The following SND1 variants were observed in gnomAD, a reference collection of about 807,000 sequenced individuals.
The protein encoded by SND1 is staphylococcal nuclease domain-containing protein 1.
SND1 carries 38 observed loss-of-function variants against 121.7 expected under a neutral mutation model. That is an observed-to-expected ratio of 0.31 (90% confidence interval 0.24 to 0.41). SND1 has a LOEUF of 0.41. Among genes scored for constraint, SND1 ranks in the 10% least tolerant of loss-of-function variants. SND1 has a pLI of 1.00. For missense variants in SND1, 868 were observed against 1,184.6 expected, an observed-to-expected ratio of 0.73 and a Z score of 3.92; for synonymous variants, 401 against 447.4, an observed-to-expected ratio of 0.90 and a Z score of 1.31.
At chr7:128,076,826 G>A (rs776883400) in intron 17 of SND1, among the ~76,000 whole-genome samples, 3 of 152,220 alleles carry the variant, frequency 2.0e-5, no homozygotes, top group Non-Finnish European at 4.4e-5. Flanking sequence ...GAGTGTGTCT[G>A]TCTGGGGGAA....
intron 16 of SND1, among the ~76,000 whole-genome samples, chr7:128,033,646 G>T (rs377442593): frequency 7.9e-5 from 12 of 152,190 alleles, no homozygotes; most frequent in African/African-American, 2.4e-4. Context: ...CCCATTCTTT[G>T]CCAAGACCTT....
chr7:127,688,299 C>T (rs1199231505), intron 2 of SND1, among the ~76,000 whole-genome samples: 1 of 152,096 alleles, frequency 6.6e-6, no homozygotes, highest in Admixed American at 6.6e-5. Flanking sequence ...CCTTAAGTTT[C>T]TGCTCTTTGG....
rs1017144279 is a variant in SND1 at position 127,818,583 on chromosome 7, T to C, written c.1242+11010T>C. Among the ~76,000 whole-genome samples, 27 of 152,264 alleles carry C rather than the reference T, an allele frequency of 1.8e-4. 1 individual carries two copies. Among genetic ancestry groups the C allele is most frequent in the African/African-American group, 6.0e-4 (25 of 41,538 alleles). On this transcript the variant is annotated intron_variant, in intron 11 of 23. Coordinates refer to ENST00000354725, the MANE Select transcript of SND1 (RefSeq NM_014390.4). ...TCCTATTCCCCAGTAATAGTGCAAA[T>C]GAGTTGGAAGTCAGTACGTCAGTGC... is the stretch of plus-strand genomic sequence containing the variant.
chr7:127,721,215 G>A (rs918793), intron 9 of SND1, 72 bp from the exon 10 acceptor site: 323,368 of 911,788 alleles, frequency 0.35, 62,160 homozygotes, highest in Admixed American at 0.44. Flanking sequence ...CTGTGAGGGT[G>A]GTGGGCCTTG....
intron 1 of SND1, among the ~76,000 whole-genome samples, chr7:127,668,833 C>T (rs1346223875): frequency 6.6e-6 from 1 of 152,212 alleles, no homozygotes; most frequent in African/African-American, 2.4e-5. Context: ...TTTCTCCCCT[C>T]ATTTGGATTC....
intron 16 of SND1, among the ~76,000 whole-genome samples, chr7:128,032,940 C>G (rs1452970294): frequency 2.6e-5 from 4 of 152,200 alleles, no homozygotes; most frequent in Non-Finnish European, 5.9e-5. Flanking sequence ...GCACAGAGGC[C>G]GGCAGGAAGG....
intron 15 of SND1, among the ~76,000 whole-genome samples, chr7:127,980,773 C>T (rs1802239961): frequency 6.6e-6 from 1 of 152,150 alleles, no homozygotes. Context: ...CATTTGGCTG[C>T]CAGGTGTGTG....
At chr7:128,058,937 G>C (rs1437640490) in intron 16 of SND1, among the ~76,000 whole-genome samples, 2 of 152,008 alleles carry the variant, frequency 1.3e-5, no homozygotes, top group African/African-American at 4.8e-5. Context: ...CTTCAAGTCA[G>C]CTCTCTCCAG....
intron 16 of SND1, among the ~76,000 whole-genome samples, chr7:128,010,189 T>G (rs1442088276): frequency 6.6e-6 from 1 of 152,234 alleles, no homozygotes; most frequent in Non-Finnish European, 1.5e-5. Context: ...CCCATAGCTC[T>G]TTCAACACTT....
chr7:127,740,393 A>G (rs1169520833), intron 10 of SND1, among the ~76,000 whole-genome samples: 1 of 152,194 alleles, frequency 6.6e-6, no homozygotes, highest in Non-Finnish European at 1.5e-5. Flanking sequence ...ATAAAAGACT[A>G]ATGAGAAACA....
chr7:127,754,067 G>A (rs907863287), intron 10 of SND1, among the ~76,000 whole-genome samples: 11 of 152,290 alleles, frequency 7.2e-5, no homozygotes, highest in African/African-American at 1.9e-4. Flanking sequence ...CATCCTGATA[G>A]CAAAATAGGA....
chr7:127,866,405 A>G (rs1799477184), intron 12 of SND1, among the ~76,000 whole-genome samples: 1 of 152,236 alleles, frequency 6.6e-6, no homozygotes, highest in African/African-American at 2.4e-5. Context: ...CATCAATAAT[A>G]GCTTTGATTC....
intron 10 of SND1, among the ~76,000 whole-genome samples, chr7:127,728,795 G>A (rs965151977): frequency 1.3e-5 from 2 of 152,122 alleles, no homozygotes; most frequent in Admixed American, 6.6e-5. Context: ...TTGTGAGTGG[G>A]CATCATTTTT....
At chr7:127,774,974 G>T (rs1451624977) in intron 10 of SND1, among the ~76,000 whole-genome samples, 1 of 152,218 alleles carries the variant, frequency 6.6e-6, no homozygotes, top group Admixed American at 6.5e-5. Flanking sequence ...ATTCAGTACT[G>T]TAGAGTCTTT....
chr7:127,963,470 T>C (rs1189344068), intron 15 of SND1, among the ~76,000 whole-genome samples: 1 of 134,052 alleles, frequency 7.5e-6, no homozygotes, highest in Non-Finnish European at 1.6e-5. Flanking sequence ...GATCTCATTG[T>C]TCAATTCCCA....
Position 127,657,895 on chromosome 7 carries a change from A to G in SND1, c.78+5444A>G, listed in dbSNP as rs569511825. Among the ~76,000 whole-genome samples, 3 of 152,282 alleles carry G rather than the reference A, an allele frequency of 2.0e-5. No homozygotes were observed. In the South Asian group the frequency reaches 6.2e-4, roughly 32 times the overall value. ...TTGGGTTTAACCTGAGTTATTATGT[A>G]ATATATGTGTTTAAGGGTGATAAAA... On this transcript the variant is annotated intron_variant, in intron 1 of 23. Transcript: ENST00000354725.
In SND1 at chr7:127,721,749, C is replaced by T. The variant is rs533324852; in HGVS notation, c.1152+349C>T. 1.2e-4 allele frequency among the ~76,000 whole-genome samples: 18 copies of T among 152,200 alleles called. No homozygotes were observed. In the South Asian group the frequency reaches 3.3e-3, roughly 28 times the overall value. ...TAAGGAGAGGAGAAGGTCTGTATCT[C>T]GTGTACATTGTAATAGGACCCGTTT... is the stretch of plus-strand genomic sequence containing the variant. On this transcript the variant is annotated intron_variant, in intron 10 of 23. Coordinates refer to ENST00000354725, the MANE Select transcript of SND1 (RefSeq NM_014390.4).
At chr7:127,993,208 T>C (rs1200443628) in intron 16 of SND1, among the ~76,000 whole-genome samples, 2 of 152,332 alleles carry the variant, frequency 1.3e-5, no homozygotes, top group East Asian at 3.9e-4. Context: ...TCCTTTATAT[T>C]ATATATGAAA....
chr7:127,772,593 A>G (rs543587537), intron 10 of SND1, among the ~76,000 whole-genome samples: 3 of 152,314 alleles, frequency 2.0e-5, no homozygotes, highest in South Asian at 2.1e-4. Flanking sequence ...TATTCCCCCA[A>G]TATCTCATCT....
Sources: gnomAD v4.1 joint callset for allele counts (sites outside exome capture counted in the v4.1 genomes callset) on GRCh38, gnomAD v4.1.1 for gene constraint, MANE v1.5 for transcripts, NCBI Gene and HGNC (gene_info 2026-07-23, HGNC 2026-07-21) for gene names.